DACH2: variants seen among roughly 807,000 people sequenced by gnomAD.
DACH2 encodes the protein dachshund family transcription factor 2.
In DACH2, 17 loss-of-function variants were observed where a neutral mutation model predicts 35.8. The observed-to-expected ratio is 0.48, with a 90% confidence interval of 0.33 to 0.71. The LOEUF (loss-of-function observed/expected upper bound fraction) is 0.71, where lower values mean the gene tolerates loss of function less well. DACH2 is among the 30% of genes least tolerant of loss of function. DACH2 has a pLI of 0.02. For missense variants in DACH2, 469 were observed against 472.7 expected, an observed-to-expected ratio of 0.99 and a Z score of 0.07; for synonymous variants, 195 against 177.3, an observed-to-expected ratio of 1.10 and a Z score of -0.79.
At chrX:86,417,732 C>A (rs2036732630) in intron 2 of DACH2, among the ~76,000 whole-genome samples, 1 of 111,125 alleles carries the variant, frequency 9.0e-6, no homozygotes, top group African/African-American at 3.3e-5. Context: ...TGGTCCCTCC[C>A]AAATATCATG....
intron 6 of DACH2, among the ~76,000 whole-genome samples, chrX:86,716,527 C>A (rs752680617): frequency 9.0e-6 from 1 of 111,647 alleles, no homozygotes; most frequent in Non-Finnish European, 1.9e-5. Flanking sequence ...GAGACTCCTT[C>A]TCTAAAACAA....
chrX:86,632,096 A>T (rs750963662), intron 3 of DACH2, among the ~76,000 whole-genome samples: 40 of 111,749 alleles, frequency 3.6e-4, no homozygotes, highest in Admixed American at 2.3e-3. Flanking sequence ...ATATGATGCA[A>T]TTTCTCCTTT....
chrX:86,625,011 G>A (rs910002247), intron 3 of DACH2, among the ~76,000 whole-genome samples: 1 of 111,346 alleles, frequency 9.0e-6, no homozygotes, highest in Non-Finnish European at 1.9e-5. Flanking sequence ...ATTTCTTTAT[G>A]GATTCTGTTT....
At chrX:86,656,580 C>T (rs1199864031) in intron 4 of DACH2, among the ~76,000 whole-genome samples, 1 of 109,403 alleles carries the variant, frequency 9.1e-6, no homozygotes, top group Non-Finnish European at 1.9e-5. Context: ...GATAGAGATG[C>T]AGCTGATAAA....
At chrX:86,235,597 G>A (rs1018514768) in intron 1 of DACH2, among the ~76,000 whole-genome samples, 6 of 112,163 alleles carry the variant, frequency 5.3e-5, no homozygotes, top group Non-Finnish European at 1.1e-4. Flanking sequence ...CACATGGGTA[G>A]CAGAGGTAGT....
intron 3 of DACH2, among the ~76,000 whole-genome samples, chrX:86,556,208 C>T (rs748129095): frequency 9.0e-6 from 1 of 111,173 alleles, no homozygotes; most frequent in African/African-American, 3.3e-5. Context: ...ACAAGGAAGC[C>T]TCTCAATAGG....
At chrX:86,709,600 G>C (rs146006667) in intron 5 of DACH2, among the ~76,000 whole-genome samples, 1 of 111,310 alleles carries the variant, frequency 9.0e-6, no homozygotes, top group Middle Eastern at 4.3e-3. Flanking sequence ...ACTGTTAAGA[G>C]AATGAAAAAA....
chrX:86,416,824 T>C (rs1324341199), intron 2 of DACH2, among the ~76,000 whole-genome samples: 1 of 109,885 alleles, frequency 9.1e-6, no homozygotes, highest in Non-Finnish European at 1.9e-5. Flanking sequence ...CTTGGCCTGG[T>C]GTGGTGGCTC....
chrX:86,819,212 A>G (rs1430769118), intron 11 of DACH2, among the ~76,000 whole-genome samples: 1 of 109,946 alleles, frequency 9.1e-6, no homozygotes, highest in Non-Finnish European at 1.9e-5. Flanking sequence ...CAACTCCTAC[A>G]GAATGTTTTC....
chrX:86,549,118 A>T (rs2039012810), intron 3 of DACH2, among the ~76,000 whole-genome samples: 1 of 111,616 alleles, frequency 9.0e-6, no homozygotes, highest in South Asian at 3.7e-4. Flanking sequence ...TGGGTGAGCT[A>T]TCATGTCAGA....
At chrX:86,425,914 A>G (rs753599190) in intron 2 of DACH2, among the ~76,000 whole-genome samples, 1 of 111,155 alleles carries the variant, frequency 9.0e-6, no homozygotes, top group East Asian at 2.8e-4. Context: ...TGTGCCTCGT[A>G]GTAGAAAAAT....
intron 1 of DACH2, among the ~76,000 whole-genome samples, chrX:86,222,130 G>A (rs112901660): frequency 0.078 from 8,781 of 111,896 alleles, 833 homozygotes; most frequent in African/African-American, 0.27. Context: ...TGGGAAACAC[G>A]ATTTAGTCTA....
intron 11 of DACH2, among the ~76,000 whole-genome samples, chrX:86,822,263 G>T (rs1250666694): frequency 9.0e-6 from 1 of 111,511 alleles, no homozygotes; most frequent in East Asian, 2.8e-4. Context: ...TAAAATTATG[G>T]TATTGCTACC....
chrX:86,244,255 GC>G (rs1481315527), intron 1 of DACH2, among the ~76,000 whole-genome samples: 2 of 111,968 alleles, frequency 1.8e-5, no homozygotes, highest in Non-Finnish European at 3.8e-5. Context: ...GGGGACAAAA[GC>G]CTTTCTGTTC....
chrX:86,200,942 C>A (rs1276232687), intron 1 of DACH2, among the ~76,000 whole-genome samples: 2 of 111,283 alleles, frequency 1.8e-5, no homozygotes, highest in Admixed American at 1.9e-4. Context: ...TTGGTATATA[C>A]CCAAAGGTAT....
chrX:86,235,587 C>T (rs1011119394), intron 1 of DACH2, among the ~76,000 whole-genome samples: 2 of 111,992 alleles, frequency 1.8e-5, no homozygotes, highest in African/African-American at 6.5e-5. Context: ...AACATGATGC[C>T]ACATGGGTAG....
chrX:86,771,576 C>T (rs1050709953), intron 7 of DACH2, among the ~76,000 whole-genome samples: 4 of 111,739 alleles, frequency 3.6e-5, no homozygotes, highest in South Asian at 3.7e-4. Context: ...TTTAATGTCT[C>T]ACAAAACTAG....
rs1292133636 is a variant in DACH2, at chrX:86,268,419, G to A, written c.489-108405G>A. On this transcript the variant is annotated intron_variant, in intron 1 of 11. Coordinates refer to ENST00000373125, the MANE Select transcript of DACH2 (RefSeq NM_053281.3). ...TTCAGATGAAGCACAAAAAAGCAAA[G>A]CAATTTAACCAATGCCACATGGGAA... Among the ~76,000 whole-genome samples the A allele has an allele frequency of 3.6e-5, 4 of 111,072 alleles. No homozygotes were observed. In the East Asian group the frequency reaches 1.1e-3, roughly 31 times the overall value.
chrX:86,740,099 T>G (rs1036690431), intron 7 of DACH2, among the ~76,000 whole-genome samples: 27 of 111,618 alleles, frequency 2.4e-4, no homozygotes, highest in Admixed American at 6.7e-4. Flanking sequence ...CTTCCTTTAC[T>G]GTATCATTCA....
Sources: allele counts gnomAD v4.1 joint callset (sites outside exome capture counted in the v4.1 genomes callset), GRCh38; gene constraint gnomAD v4.1.1; transcripts MANE v1.5; gene names NCBI Gene and HGNC (gene_info 2026-07-23, HGNC 2026-07-21).